Variants in C11orf58 observed in about 807,000 individuals in gnomAD.
The protein encoded by C11orf58 is chromosome 11 open reading frame 58, also known as small acidic protein.
A neutral mutation model predicts 22.7 loss-of-function variants in C11orf58; 5 were observed. The observed-to-expected ratio is 0.22, with a 90% CI of 0.12 to 0.46. C11orf58 has a LOEUF of 0.46. C11orf58 is among the 20% of genes least tolerant of loss of function. The pLI is 0.99. For synonymous variants in C11orf58, 71 were observed against 70.7 expected, an observed-to-expected ratio of 1.00 and a Z score of -0.02; for missense variants, 151 against 223.3, an observed-to-expected ratio of 0.68 and a Z score of 2.06.
At chr11:16,750,712 A>G (rs1448623778) in intron 3 of C11orf58, 1 of 154,222 alleles carries the variant, frequency 6.5e-6, no homozygotes, top group Admixed American at 6.5e-5. Context: ...GCATGAGGAT[A>G]TATTATGTGC....
chr11:16,750,722 C>T (rs932413573), intron 3 of C11orf58: 8 of 154,128 alleles, frequency 5.2e-5, no homozygotes, highest in Non-Finnish European at 1.2e-4. Flanking sequence ...ATATTATGTG[C>T]ACTTTTGCTT....
intron 2 of C11orf58, chr11:16,747,100 C>G (rs1027584919): frequency 2.0e-5 from 3 of 152,150 alleles, no homozygotes; most frequent in African/African-American, 7.2e-5. Flanking sequence ...ATGAATAGAT[C>G]AGTGCAATAC....
In C11orf58 at chr11:16,755,074, A is replaced by G; in HGVS notation, c.522A>G (p.Lys174=). Residue 174 remains lysine (K), a synonymous_variant, in exon 5 of 5, where the codon AAA becomes AAG. Coordinates refer to ENST00000228136, the MANE Select transcript of C11orf58 (RefSeq NM_014267.6). ...KNKKDAKSNY[K]MMFVKSSGS is the part of the protein sequence containing the mutation. ...AAAAAGATGCAAAAAGCAATTATAA[A>G]ATGATGTTTGTTAAATCCAGTGGTT... 6.2e-7 allele frequency: 1 copy of G among 1,614,120 alleles called. No homozygotes were observed. The highest frequency in any genetic ancestry group is 8.5e-7 in the Non-Finnish European group (1 of 1,180,006).
At position 16,757,850 on chromosome 11, in the gene C11orf58, A is replaced by G. The variant is rs539797053; in HGVS notation, c.*2746A>G. On this transcript the variant is annotated 3_prime_UTR_variant, in exon 5 of 5. Coordinates refer to ENST00000228136, the MANE Select transcript of C11orf58 (RefSeq NM_014267.6). ...ATAGGCAAAAGTCCTCTTCTCTAGT[A>G]TAATTTTTTAAATCTGAGAGAATTG... 1.4e-4 allele frequency among the ~76,000 whole-genome samples: 22 copies of G among 152,368 alleles called. No individual in the cohort carries two copies. The highest frequency in any genetic ancestry group is 4.8e-4 in the African/African-American group (20 of 41,588).
chr11:16,748,009 G>T, intron 2 of C11orf58, 88 bp from the exon 3 acceptor site: 2 of 967,882 alleles, frequency 2.1e-6, no homozygotes, highest in Non-Finnish European at 3.3e-6. Flanking sequence ...TGTCCCAGAA[G>T]CCTAGAATAG....
intron 3 of C11orf58, chr11:16,749,559 A>G (rs1848514975): frequency 6.6e-6 from 1 of 152,226 alleles, no homozygotes; most frequent in South Asian, 2.1e-4. Context: ...GAGAAGCTTT[A>G]TCAGTATTTA....
intron 1 of C11orf58, among the ~76,000 whole-genome samples, chr11:16,740,407 G>A (rs1471202177): frequency 6.6e-6 from 1 of 152,036 alleles, no homozygotes; most frequent in Non-Finnish European, 1.5e-5. Context: ...TTTTGTTTTT[G>A]TTTTGAGACA....
At chr11:16,747,195 C>G (rs1450792846) in intron 2 of C11orf58, 1 of 152,198 alleles carries the variant, frequency 6.6e-6, no homozygotes, top group African/African-American at 2.4e-5. Flanking sequence ...TAGTAACACA[C>G]TGAATTATTG....
rs373913767 is a variant in C11orf58, at chr11:16,738,751, G to A, written c.-28G>A. 1.2e-6 allele frequency: 2 copies of A among 1,613,282 alleles called. No homozygotes were observed. The highest frequency in any genetic ancestry group is 1.7e-5 in the Admixed American group (1 of 60,014). On this transcript the variant is annotated 5_prime_UTR_variant, in exon 1 of 5. Transcript: ENST00000228136. ...GCTGGGAAGAGCGGCGAGAGGGTTC[G>A]GCATTTTTCGTCGGGATCCCCGCAA...
rs576339896 is a variant in C11orf58, at chr11:16,741,193, C to T, written c.63+2352C>T. Reference sequence around the variant, plus strand: ...GAGAGATCATTGAAGTTTTCTTATGCCCATTGACCTCACATCTAATTGAGG... The same window carrying T: ...GAGAGATCATTGAAGTTTTCTTATGTCCATTGACCTCACATCTAATTGAGG... On this transcript the variant is annotated intron_variant, in intron 1 of 4. Transcript: ENST00000228136. 3.3e-5 allele frequency among the ~76,000 whole-genome samples: 5 copies of T among 152,066 alleles called. No individual in the cohort carries two copies. The East Asian group carries it at 9.7e-4, about 29-fold the overall frequency.
intron 4 of C11orf58, 82 bp from the exon 5 acceptor site, chr11:16,754,789 G>T: frequency 6.4e-7 from 1 of 1,562,104 alleles, no homozygotes; most frequent in South Asian, 1.2e-5. Context: ...GTGTTTCTAA[G>T]ACCGACAGAA....
At chr11:16,747,207 T>C (rs1282543589) in intron 2 of C11orf58, 1 of 152,228 alleles carries the variant, frequency 6.6e-6, no homozygotes, top group East Asian at 1.9e-4. Flanking sequence ...GAATTATTGA[T>C]TTGCTTATGT....
At chr11:16,747,453 A>C (rs1200831831) in intron 2 of C11orf58, 2 of 152,218 alleles carry the variant, frequency 1.3e-5, no homozygotes, top group Non-Finnish European at 2.9e-5. Flanking sequence ...TGGACTGATT[A>C]AATTGAGAGT....
Position 16,738,778 on chromosome 11 carries a change from G to A in C11orf58, c.-1G>A. ...CATTTTTCGTCGGGATCCCCGCAAG[G>A]ATGAGTGCTGCCAGAGAGTCTCACC... On this transcript the variant is annotated 5_prime_UTR_variant, in exon 1 of 5. Transcript: ENST00000228136. 1 of 1,614,090 alleles carries A rather than the reference G, an allele frequency of 6.2e-7. No homozygotes were observed. Among genetic ancestry groups the A allele is most frequent in the Non-Finnish European group, 8.5e-7 (1 of 1,180,010 alleles).
At chr11:16,743,554 C>T (rs540950335) in intron 1 of C11orf58, among the ~76,000 whole-genome samples, 13 of 152,060 alleles carry the variant, frequency 8.5e-5, no homozygotes, top group African/African-American at 1.2e-4. Context: ...TCACCTTCTT[C>T]GTCTAATAAT....
chr11:16,746,003 A>AATAC (rs1298732066), intron 2 of C11orf58, among the ~76,000 whole-genome samples: 1 of 152,244 alleles, frequency 6.6e-6, no homozygotes, highest in Non-Finnish European at 1.5e-5. Flanking sequence ...ATAGATCAAT[A>AATAC]ATACATGTTT....
intron 3 of C11orf58, chr11:16,751,871 G>T (rs956162392): frequency 6.6e-6 from 1 of 152,212 alleles, no homozygotes; most frequent in Non-Finnish European, 1.5e-5. Flanking sequence ...AGCTGCTTAA[G>T]ATCACAAATG....
At chr11:16,753,729 A>T (rs530254556) in intron 4 of C11orf58, among the ~76,000 whole-genome samples, 16 of 152,202 alleles carry the variant, frequency 1.1e-4, no homozygotes, top group Admixed American at 1.0e-3. Flanking sequence ...CTTAATCATT[A>T]GAGTACCTTT....
At chr11:16,744,514 A>G (rs1848473670) in intron 1 of C11orf58, 87 bp from the exon 2 acceptor site, 4 of 1,073,302 alleles carry the variant, frequency 3.7e-6, no homozygotes, top group East Asian at 2.5e-5. Flanking sequence ...GACAGGGGAA[A>G]AAAACTTGAG....
Sources: allele counts gnomAD v4.1 joint callset (sites outside exome capture counted in the v4.1 genomes callset), GRCh38; gene constraint gnomAD v4.1.1; transcripts MANE v1.5; gene names NCBI Gene and HGNC (gene_info 2026-07-23, HGNC 2026-07-21).